Variants in NYAP2 observed in about 807,000 individuals in gnomAD.
The protein encoded by NYAP2 is neuronal tyrosine-phosphorylated phosphoinositide-3-kinase adapter 2.
Under a neutral mutation model 50.4 loss-of-function variants are expected in NYAP2, and 23 were observed. The ratio of observed to expected loss-of-function variants is 0.46; its 90% confidence interval spans 0.33 to 0.65. NYAP2 has a LOEUF of 0.65. NYAP2 is among the 30% of genes least tolerant of loss of function. The pLI is 0.02. For synonymous variants in NYAP2, 394 were observed against 365.2 expected (o/e 1.08, Z -0.90); for missense variants, 885 against 861.0 (o/e 1.03, Z -0.35).
intron 5 of NYAP2, among the ~76,000 whole-genome samples, chr2:225,591,287 T>A (rs953371134): frequency 3.9e-5 from 6 of 152,140 alleles, no homozygotes; most frequent in Non-Finnish European, 8.8e-5. Flanking sequence ...TTACTGGCAA[T>A]CTGGGGCTCT....
At chr2:225,562,926 C>T (rs556939878) in intron 4 of NYAP2, among the ~76,000 whole-genome samples, 4 of 152,098 alleles carry the variant, frequency 2.6e-5, no homozygotes, top group Non-Finnish European at 5.9e-5. Flanking sequence ...TATCATTTGT[C>T]CTTCCTATTT....
chr2:225,579,983 C>T (rs1692243530), intron 4 of NYAP2, among the ~76,000 whole-genome samples: 1 of 152,198 alleles, frequency 6.6e-6, no homozygotes, highest in African/African-American at 2.4e-5. Flanking sequence ...TAGGTTAACC[C>T]TCCCTTCATA....
At chr2:225,398,412 T>C (rs989509512), upstream of NYAP2, among the ~76,000 whole-genome samples, 1 of 152,090 alleles carries the variant, frequency 6.6e-6, no homozygotes, top group African/African-American at 2.4e-5. Context: ...GTTTCCGTTT[T>C]CTAAAATGTC....
At chr2:225,487,281 A>G (rs1423873269) in intron 3 of NYAP2, among the ~76,000 whole-genome samples, 3 of 152,202 alleles carry the variant, frequency 2.0e-5, no homozygotes, top group East Asian at 3.8e-4. Flanking sequence ...CTTCAGGCCC[A>G]TGATGGCCCT....
the NYAP2 span, chr2:225,699,075 A>C: frequency 1.9e-3 from 291 of 152,036 alleles, no homozygotes; most frequent in African/African-American, 6.7e-3. Flanking sequence ...TGTGCTTTTT[A>C]AGTTTCAAGG....
At chr2:225,592,549 G>A (rs1692526029) in intron 5 of NYAP2, among the ~76,000 whole-genome samples, 1 of 152,114 alleles carries the variant, frequency 6.6e-6, no homozygotes. Context: ...CTATTGTTAT[G>A]TTTTTAAAGT....
At chr2:225,632,292 G>T (rs1271003634) in intron 6 of NYAP2, among the ~76,000 whole-genome samples, 2 of 151,926 alleles carry the variant, frequency 1.3e-5, no homozygotes, top group Admixed American at 1.3e-4. Flanking sequence ...TTGCCTCCTT[G>T]CCCCTGGGTA....
chr2:225,653,584 G>C (rs2106273823), exon 7 of NYAP2: 1 of 152,342 alleles, frequency 6.6e-6, no homozygotes, highest in East Asian at 1.9e-4. Flanking sequence ...TAAATTAGAA[G>C]GCTGGCCTCT....
intron 2 of NYAP2, among the ~76,000 whole-genome samples, chr2:225,408,406 G>A (rs1423987517): frequency 1.3e-5 from 2 of 151,928 alleles, no homozygotes; most frequent in African/African-American, 4.8e-5. Flanking sequence ...CAAAAACTAA[G>A]GAAAGCACAT....
chr2:225,606,277 T>G (rs917666713), intron 5 of NYAP2, among the ~76,000 whole-genome samples: 5 of 152,124 alleles, frequency 3.3e-5, no homozygotes, highest in African/African-American at 1.2e-4. Context: ...CAGATCAAAG[T>G]GTCCAGAGGT....
the NYAP2 span, among the ~76,000 whole-genome samples, chr2:225,691,135 T>C: frequency 1.3e-5 from 2 of 152,316 alleles, no homozygotes; most frequent in African/African-American, 2.4e-5. Context: ...TTATGCATCA[T>C]AGCAAAGTGG....
the NYAP2 span, among the ~76,000 whole-genome samples, chr2:225,669,640 TG>T: frequency 6.6e-6 from 1 of 152,110 alleles, no homozygotes; most frequent in Non-Finnish European, 1.5e-5. Context: ...GAGCTCAGTT[TG>T]TTCTATAATT....
At chr2:225,416,495 A>G (rs1231956141) in intron 3 of NYAP2, among the ~76,000 whole-genome samples, 3 of 152,166 alleles carry the variant, frequency 2.0e-5, no homozygotes, top group Non-Finnish European at 4.4e-5. Flanking sequence ...AGAGCCATCA[A>G]GTTTCCCAAG....
the NYAP2 span, among the ~76,000 whole-genome samples, chr2:225,678,946 G>A: frequency 2.2e-4 from 34 of 152,228 alleles, no homozygotes; most frequent in East Asian, 5.4e-3. Context: ...CTAAAGAATA[G>A]AGGATAATGG....
chr2:225,656,284 C>T (rs1286898662), downstream of NYAP2, among the ~76,000 whole-genome samples: 2 of 152,174 alleles, frequency 1.3e-5, no homozygotes, highest in African/African-American at 2.4e-5. Context: ...TTCATGATAC[C>T]TGCGTCCTCA....
chr2:225,416,679 A>G (rs994389750), intron 3 of NYAP2, among the ~76,000 whole-genome samples: 3 of 152,190 alleles, frequency 2.0e-5, no homozygotes, highest in African/African-American at 4.8e-5. Context: ...CAGTCTTCTC[A>G]CGTACCTTTC....
At chr2:225,517,668 G>A (rs1191788017) in intron 4 of NYAP2, among the ~76,000 whole-genome samples, 1 of 152,104 alleles carries the variant, frequency 6.6e-6, no homozygotes, top group African/African-American at 2.4e-5. Context: ...CGTACAAATA[G>A]AGCTGAATAC....
chr2:225,408,993 A>T (rs1395846594), exon 3 of NYAP2: 1 of 1,612,398 alleles, frequency 6.2e-7, no homozygotes, highest in South Asian at 1.1e-5. Flanking sequence ...GTTATTCAGA[A>T]TGCGTCAGAT....
intron 3 of NYAP2, among the ~76,000 whole-genome samples, chr2:225,446,064 T>C (rs1257255123): frequency 6.6e-6 from 1 of 151,620 alleles, no homozygotes; most frequent in Non-Finnish European, 1.5e-5. Context: ...GCCTGTAATC[T>C]CAGCTACTCT....
Sources: allele counts gnomAD v4.1 joint callset (sites outside exome capture counted in the v4.1 genomes callset), GRCh38; gene constraint gnomAD v4.1.1; transcripts MANE v1.5; gene names NCBI Gene and HGNC (gene_info 2026-07-23, HGNC 2026-07-21).